The following RERE variants were observed in gnomAD, a reference collection of about 807,000 sequenced individuals.
RERE encodes arginine-glutamic acid dipeptide repeats, also known as arginine-glutamic acid dipeptide repeats protein.
A neutral mutation model predicts 146.1 loss-of-function variants in RERE; 40 were observed. That is an observed-to-expected ratio of 0.27 (90% CI 0.21 to 0.36). The LOEUF (loss-of-function observed/expected upper bound fraction) is 0.36, where lower values mean the gene tolerates loss of function less well. Among genes scored for constraint, RERE ranks in the 10% least tolerant of loss-of-function variants. The pLI, the probability that RERE is intolerant of heterozygous loss-of-function variation, is 1.00. For synonymous variants in RERE, 1,003 were observed against 866.0 expected (o/e 1.16, Z -2.78); for missense variants, 1,933 against 2,138.7 (o/e 0.90, Z 1.90).
Position 8,732,758 on chromosome 1 carries a change from A to ATG in RERE, c.-144-76319_-144-76318dup, listed in dbSNP as rs375321691. Among the ~76,000 whole-genome samples, 1,092 of 141,326 alleles carry ATG rather than the reference A, an allele frequency of 7.7e-3. 16 individuals are homozygous for ATG. Among genetic ancestry groups the ATG allele is most frequent in the African/African-American group, 0.027 (1,046 of 38,546 alleles). 92.7% of individuals were successfully genotyped at this position (141,326 alleles called of 152,430 possible). A position where few individuals can be genotyped will look rare whatever the true frequency, so the allele number is the denominator to read the frequency against. ...GGGAACTCTGTGTGTGTGTCTGTATATGTGTGTGTGTGGGAACTACTTATA... is the reference window on the plus strand; with the variant it reads ...GGGAACTCTGTGTGTGTGTCTGTATATGTGTGTGTGTGTGGGAACTACTTATA... On this transcript the variant is annotated intron_variant, in intron 1 of 22. Coordinates refer to ENST00000400908, the MANE Select transcript of RERE (RefSeq NM_001042681.2).
chr1:8,611,461 G>A (rs778736133), intron 4 of RERE, among the ~76,000 whole-genome samples: 19 of 152,180 alleles, frequency 1.2e-4, no homozygotes, highest in South Asian at 6.2e-4. Context: ...CCGAGATCAT[G>A]CCACTGCACT....
At chr1:8,779,744 C>T (rs576122242) in intron 1 of RERE, among the ~76,000 whole-genome samples, 2 of 151,642 alleles carry the variant, frequency 1.3e-5, no homozygotes, top group Non-Finnish European at 2.9e-5. Flanking sequence ...GTGCCTAGAA[C>T]AATGACAATC....
intron 12 of RERE, among the ~76,000 whole-genome samples, chr1:8,380,505 C>A (rs1642408431): frequency 6.6e-6 from 1 of 152,156 alleles, no homozygotes; most frequent in African/African-American, 2.4e-5. Flanking sequence ...CGTGCCACCG[C>A]ACCTGGCTAA....
At position 8,414,621 on chromosome 1, in the gene RERE, CAGA is replaced by C. The variant is rs377025087; in HGVS notation, c.1284+8103_1284+8105del. Among the ~76,000 whole-genome samples the C allele has an allele frequency of 3.8e-4, 55 of 146,010 alleles. No homozygotes were observed. The East Asian group carries it at 9.7e-3, about 26-fold the overall frequency. On this transcript the variant is annotated intron_variant, in intron 12 of 22. Coordinates refer to ENST00000400908, the MANE Select transcript of RERE (RefSeq NM_001042681.2). ...TTATGATACCACAATTGAGAGGATT[CAGA>C]AGAAGGATTTAAGACACTTGAGCAG...
intron 1 of RERE, among the ~76,000 whole-genome samples, chr1:8,701,642 C>T (rs985660528): frequency 6.6e-6 from 1 of 152,168 alleles, no homozygotes; most frequent in Admixed American, 6.5e-5. Flanking sequence ...TATCATGCAA[C>T]CAGATCAAAT....
intron 4 of RERE, among the ~76,000 whole-genome samples, chr1:8,572,415 T>C (rs775202448): frequency 2.0e-5 from 3 of 152,214 alleles, no homozygotes; most frequent in Non-Finnish European, 4.4e-5. Flanking sequence ...CTCTTCTATC[T>C]ATTGCTAGAG....
At chr1:8,603,598 G>A (rs906061607) in intron 4 of RERE, among the ~76,000 whole-genome samples, 10 of 152,130 alleles carry the variant, frequency 6.6e-5, no homozygotes, top group African/African-American at 1.4e-4. Context: ...TTTTATAGCT[G>A]CATTAGGGAT....
chr1:8,427,581 T>C (rs774228695), intron 11 of RERE, among the ~76,000 whole-genome samples: 1 of 148,608 alleles, frequency 6.7e-6, no homozygotes, highest in Non-Finnish European at 1.5e-5. Flanking sequence ...CTACCACAGC[T>C]GTCAATGTAT....
intron 1 of RERE, among the ~76,000 whole-genome samples, chr1:8,793,937 A>G (rs1163277816): frequency 6.6e-6 from 1 of 152,078 alleles, no homozygotes; most frequent in African/African-American, 2.4e-5. Flanking sequence ...GTGGTGGCTC[A>G]TGCCTGTAGT....
At chr1:8,731,814 G>GT (rs1640092668) in intron 1 of RERE, among the ~76,000 whole-genome samples, 1 of 151,330 alleles carries the variant, frequency 6.6e-6, no homozygotes, top group South Asian at 2.1e-4. Context: ...GTTTTGTTTT[G>GT]TTTTTTTGAG....
chr1:8,766,628 TAAG>T (rs1215960674), intron 1 of RERE, among the ~76,000 whole-genome samples: 1 of 148,510 alleles, frequency 6.7e-6, no homozygotes, highest in Admixed American at 6.7e-5. Flanking sequence ...TAGGAAGAGA[TAAG>T]AGATACAGGA....
intron 1 of RERE, among the ~76,000 whole-genome samples, chr1:8,762,987 T>C (rs1233460654): frequency 1.3e-5 from 2 of 152,080 alleles, no homozygotes; most frequent in East Asian, 1.9e-4. Context: ...AGCAAAAATC[T>C]AGGCATGGAA....
At chr1:8,608,549 G>A (rs1214906211) in intron 4 of RERE, among the ~76,000 whole-genome samples, 1 of 151,994 alleles carries the variant, frequency 6.6e-6, no homozygotes, top group East Asian at 1.9e-4. Flanking sequence ...CCCAAGAAAG[G>A]CAGGGCTGAA....
intron 12 of RERE, 111 bp downstream of exon 12, chr1:8,422,616 A>C (rs762507134): frequency 1.3e-6 from 1 of 770,072 alleles, no homozygotes; most frequent in Non-Finnish European, 2.3e-6. Context: ...GGCCAGCCCG[A>C]GTCTGAGCAC....
At chr1:8,669,576 T>C (rs1638666970) in intron 1 of RERE, among the ~76,000 whole-genome samples, 1 of 152,188 alleles carries the variant, frequency 6.6e-6, no homozygotes, top group Non-Finnish European at 1.5e-5. Context: ...AAGGATGAGC[T>C]TTACCTCTGC....
chr1:8,809,328 T>A (rs1221843710), intron 1 of RERE, among the ~76,000 whole-genome samples: 4 of 152,080 alleles, frequency 2.6e-5, no homozygotes, highest in African/African-American at 9.7e-5. Context: ...CCCTACTCCA[T>A]AGGAAGTAGA....
intron 1 of RERE, among the ~76,000 whole-genome samples, chr1:8,666,803 C>A (rs1200390021): frequency 6.6e-6 from 1 of 152,158 alleles, no homozygotes; most frequent in African/African-American, 2.4e-5. Context: ...AGAGTTTTTC[C>A]ATGTTTTAAA....
At chr1:8,768,321 A>C (rs1369389462) in intron 1 of RERE, among the ~76,000 whole-genome samples, 1 of 152,258 alleles carries the variant, frequency 6.6e-6, no homozygotes, top group Non-Finnish European at 1.5e-5. Flanking sequence ...TCTTTCCAGG[A>C]AAGTTGTATA....
intron 4 of RERE, among the ~76,000 whole-genome samples, chr1:8,601,662 ACACACACAC>A (rs1322740246): frequency 6.8e-6 from 1 of 146,780 alleles, no homozygotes. Flanking sequence ...ACACACACAC[ACACACACAC>A]ATCTTCCTTC....
Sources: gnomAD v4.1 joint callset for allele counts (sites outside exome capture counted in the v4.1 genomes callset) on GRCh38, gnomAD v4.1.1 for gene constraint, MANE v1.5 for transcripts, NCBI Gene and HGNC (gene_info 2026-07-23, HGNC 2026-07-21) for gene names.